The following ABCC1 variants were observed in gnomAD, a reference collection of about 807,000 sequenced individuals.
The protein encoded by ABCC1 is ATP binding cassette subfamily C member 1 (ABCC1 blood group), also known as multidrug resistance-associated protein 1.
Under a neutral mutation model 172.9 loss-of-function variants are expected in ABCC1, and 83 were observed. That is an observed-to-expected ratio of 0.48 (90% CI 0.40 to 0.58). The LOEUF (loss-of-function observed/expected upper bound fraction) is 0.58, where lower values mean the gene tolerates loss of function less well. ABCC1 is among the 20% of genes least tolerant of loss of function. ABCC1 has a pLI of 0.00. For missense variants in ABCC1, 1,817 were observed against 2,002.7 expected, an observed-to-expected ratio of 0.91 and a Z score of 1.77; for synonymous variants, 937 against 825.2, an observed-to-expected ratio of 1.14 and a Z score of -2.32.
chr16:15,959,466 G>C (rs985752598), intron 1 of ABCC1, among the ~76,000 whole-genome samples: 1 of 152,078 alleles, frequency 6.6e-6, no homozygotes, highest in African/African-American at 2.4e-5. Context: ...GCTGGGACCA[G>C]AGGTGCACAC....
intron 18 of ABCC1, among the ~76,000 whole-genome samples, chr16:16,088,817 C>T (rs1206775272): frequency 6.6e-6 from 1 of 152,140 alleles, no homozygotes; most frequent in African/African-American, 2.4e-5. Flanking sequence ...ATCAATCCTC[C>T]TGCCTTCTGA....
chr16:16,057,804 C>T (rs1486441632), intron 12 of ABCC1, among the ~76,000 whole-genome samples: 2 of 152,012 alleles, frequency 1.3e-5, no homozygotes, highest in Non-Finnish European at 2.9e-5. Context: ...GAAATGGGGT[C>T]TCGCTCTGTC....
intron 7 of ABCC1, among the ~76,000 whole-genome samples, chr16:16,039,266 C>CTTTT (rs1202497870): frequency 3.1e-4 from 27 of 87,724 alleles, no homozygotes; most frequent in Non-Finnish European, 4.0e-4. Context: ...TGTGTGTTTT[C>CTTTT]TTTTTTTTTT....
intron 1 of ABCC1, among the ~76,000 whole-genome samples, chr16:15,953,267 A>G (rs774951527): frequency 6.6e-6 from 1 of 151,954 alleles, no homozygotes; most frequent in Non-Finnish European, 1.5e-5. Context: ...ACCTGGGAAG[A>G]GGTTGCAGTG....
At chr16:16,057,522 T>C (rs1252544987) in intron 12 of ABCC1, among the ~76,000 whole-genome samples, 2 of 149,474 alleles carry the variant, frequency 1.3e-5, no homozygotes, top group East Asian at 1.9e-4. Flanking sequence ...TGAACAAATA[T>C]TGTCATCCAT....
chr16:16,103,979 G>T (rs559967530), intron 20 of ABCC1, among the ~76,000 whole-genome samples: 2 of 152,070 alleles, frequency 1.3e-5, no homozygotes, highest in Non-Finnish European at 2.9e-5. Flanking sequence ...TCGTGGTCTC[G>T]CTGGCCTCAG....
At chr16:16,018,793 ATGTGTGTGTT>A (rs1481593647) in intron 5 of ABCC1, among the ~76,000 whole-genome samples, 1 of 53,476 alleles carries the variant, frequency 1.9e-5, no homozygotes, top group African/African-American at 8.7e-5. Flanking sequence ...ATGTTCATGT[ATGTGTGTGTT>A]TGTGTGTGTG....
At chr16:16,035,703 C>T (rs894046555) in intron 6 of ABCC1, among the ~76,000 whole-genome samples, 2 of 151,610 alleles carry the variant, frequency 1.3e-5, no homozygotes, top group Non-Finnish European at 2.9e-5. Context: ...CTATGTTGTC[C>T]AGGCTGGTCT....
chr16:16,104,885 A>G (rs2051998700), intron 20 of ABCC1, among the ~76,000 whole-genome samples: 1 of 152,100 alleles, frequency 6.6e-6, no homozygotes, highest in Admixed American at 6.5e-5. Context: ...TAAGCCCCTC[A>G]CTACCCGGGC....
chr16:15,997,290 AC>A (rs2047091228), intron 1 of ABCC1, among the ~76,000 whole-genome samples: 1 of 151,984 alleles, frequency 6.6e-6, no homozygotes, highest in Non-Finnish European at 1.5e-5. Flanking sequence ...ACGGGGTTTC[AC>A]CATGTTAGCC....
chr16:16,054,944 C>T (rs2049587146), intron 11 of ABCC1, among the ~76,000 whole-genome samples: 1 of 152,140 alleles, frequency 6.6e-6, no homozygotes, highest in South Asian at 2.1e-4. Flanking sequence ...TTTTAACAAC[C>T]ATGGGCCAGG....
chr16:16,071,432 C>A (rs11860247), intron 13 of ABCC1, among the ~76,000 whole-genome samples: 17,669 of 151,912 alleles, frequency 0.12, 1,147 homozygotes, highest in Middle Eastern at 0.22. Context: ...CTTTTGTGGG[C>A]TTTTAAAACA....
At chr16:16,066,841 T>C (rs1241888009) in intron 12 of ABCC1, among the ~76,000 whole-genome samples, 2 of 151,288 alleles carry the variant, frequency 1.3e-5, no homozygotes, top group African/African-American at 4.9e-5. Context: ...AGGCAGAGGT[T>C]GCGGTGAACT....
chr16:16,040,327 G>A (rs1218924939), intron 7 of ABCC1, among the ~76,000 whole-genome samples: 1 of 151,844 alleles, frequency 6.6e-6, no homozygotes. Flanking sequence ...TGCTCTTGTT[G>A]CTTAGGCTGG....
intron 19 of ABCC1, among the ~76,000 whole-genome samples, chr16:16,092,956 C>T (rs576105389): frequency 6.0e-4 from 92 of 152,350 alleles, no homozygotes; most frequent in Middle Eastern, 3.4e-3. Flanking sequence ...CACTGCACTC[C>T]ATCTGGCCTG....
chr16:16,065,205 G>A (rs190539337), intron 12 of ABCC1, among the ~76,000 whole-genome samples: 12 of 152,312 alleles, frequency 7.9e-5, no homozygotes, highest in African/African-American at 2.9e-4. Flanking sequence ...CTTGGGATCT[G>A]AGTCAGCACT....
At chr16:16,036,817 AGAAAGAAG>A (rs1324418412) in intron 7 of ABCC1, among the ~76,000 whole-genome samples, 6 of 152,304 alleles carry the variant, frequency 3.9e-5, no homozygotes, top group African/African-American at 1.4e-4. Flanking sequence ...AGAGAAAAGA[AGAAAGAAG>A]CTGGGTGCGG....
chr16:16,129,710 GT>G (rs1047538009), intron 26 of ABCC1, among the ~76,000 whole-genome samples: 5 of 151,854 alleles, frequency 3.3e-5, no homozygotes, highest in African/African-American at 1.2e-4. Context: ...GCTAATTTTT[GT>G]ATTTTTAGTA....
chr16:16,008,261 G>A (rs962305417), intron 2 of ABCC1, among the ~76,000 whole-genome samples: 3 of 151,952 alleles, frequency 2.0e-5, no homozygotes, highest in Non-Finnish European at 4.4e-5. Flanking sequence ...AGGAATGATA[G>A]GCTTGTTCTC....
Sources: gnomAD v4.1 joint callset for allele counts (sites outside exome capture counted in the v4.1 genomes callset) on GRCh38, gnomAD v4.1.1 for gene constraint, MANE v1.5 for transcripts, NCBI Gene and HGNC (gene_info 2026-07-23, HGNC 2026-07-21) for gene names.